SMOC1: variants seen among roughly 807,000 people sequenced by gnomAD.
SMOC1 encodes the protein SPARC-related modular calcium-binding protein 1.
Under a neutral mutation model 56.3 loss-of-function variants are expected in SMOC1, and 22 were observed. The observed-to-expected ratio is 0.39, with a 90% confidence interval of 0.28 to 0.56. The LOEUF is 0.56. Ranked by LOEUF, SMOC1 falls within the 20% of genes least tolerant of loss-of-function variation. The pLI is 0.61. For synonymous variants in SMOC1, 193 were observed against 215.0 expected, an observed-to-expected ratio of 0.90 and a Z score of 0.89; for missense variants, 509 against 565.4, an observed-to-expected ratio of 0.90 and a Z score of 1.01.
chr14:69,953,190 A>C (rs1234288576), intron 2 of SMOC1, among the ~76,000 whole-genome samples: 1 of 152,162 alleles, frequency 6.6e-6, no homozygotes, highest in East Asian at 1.9e-4. Context: ...ACTTGGGAGA[A>C]AAGACAGGCA....
intron 1 of SMOC1, among the ~76,000 whole-genome samples, chr14:69,909,456 A>G (rs978778042): frequency 2.6e-5 from 4 of 152,164 alleles, no homozygotes; most frequent in Non-Finnish European, 5.9e-5. Flanking sequence ...GGTACATCCA[A>G]TGCTGACCTC....
intron 3 of SMOC1, among the ~76,000 whole-genome samples, chr14:69,955,667 C>T (rs371815966): frequency 1.3e-5 from 2 of 148,166 alleles, no homozygotes; most frequent in Admixed American, 6.8e-5. Flanking sequence ...TCTATCATGT[C>T]GATACCACTA....
chr14:69,889,431 G>T (rs1378324841), intron 1 of SMOC1, among the ~76,000 whole-genome samples: 1 of 152,206 alleles, frequency 6.6e-6, no homozygotes, highest in African/African-American at 2.4e-5. Flanking sequence ...CATCTTCCCT[G>T]TATCCCAGCC....
intron 1 of SMOC1, among the ~76,000 whole-genome samples, chr14:69,927,942 A>T (rs993904800): frequency 6.6e-6 from 1 of 152,138 alleles, no homozygotes; most frequent in African/African-American, 2.4e-5. Context: ...CCCCTTGAGG[A>T]AGAATAAACA....
chr14:70,009,409 C>T (rs534584964), intron 7 of SMOC1, among the ~76,000 whole-genome samples: 118 of 152,240 alleles, frequency 7.8e-4, no homozygotes, highest in African/African-American at 2.6e-3. Flanking sequence ...CGTGCTTTAC[C>T]TATATGTGTG....
At chr14:69,996,140 T>C (rs1343832533) in intron 7 of SMOC1, among the ~76,000 whole-genome samples, 1 of 152,228 alleles carries the variant, frequency 6.6e-6, no homozygotes, top group Admixed American at 6.5e-5. Flanking sequence ...TTAACAATTG[T>C]TTCCTTGAAT....
chr14:69,946,898 C>T (rs1261633532), intron 1 of SMOC1, among the ~76,000 whole-genome samples: 1 of 152,044 alleles, frequency 6.6e-6, no homozygotes, highest in Non-Finnish European at 1.5e-5. Context: ...TTTGATCCAC[C>T]CCCCATCCCT....
At chr14:69,887,587 C>G (rs1231102268) in intron 1 of SMOC1, among the ~76,000 whole-genome samples, 1 of 152,202 alleles carries the variant, frequency 6.6e-6, no homozygotes, top group Non-Finnish European at 1.5e-5. Flanking sequence ...GTAAGGGACT[C>G]CTTTCTTGCC....
intron 2 of SMOC1, 90 bp from the exon 3 acceptor site, chr14:69,953,330 A>C (rs1361301823): frequency 1.3e-5 from 16 of 1,208,190 alleles, no homozygotes; most frequent in Non-Finnish European, 2.0e-5. Context: ...GGGCTCCCGC[A>C]CAGGTGGAGT....
In SMOC1 at chr14:69,902,265, A is replaced by G. The variant is rs74488947; in HGVS notation, c.99+22488A>G. On this transcript the variant is annotated intron_variant, in intron 1 of 11. Coordinates refer to ENST00000361956, the MANE Select transcript of SMOC1 (RefSeq NM_001034852.3). ...TCCAACACAGAGCAAAAGAAAGCTGAGAGAGGAAAGAGACAGGTTTCTTAT... is the reference window on the plus strand; with the variant it reads ...TCCAACACAGAGCAAAAGAAAGCTGGGAGAGGAAAGAGACAGGTTTCTTAT... 3.6e-3 allele frequency among the ~76,000 whole-genome samples: 544 copies of G among 152,356 alleles called. 4 individuals are homozygous for G. Among genetic ancestry groups the G allele is most frequent in the African/African-American group, 0.011 (475 of 41,586 alleles).
intron 1 of SMOC1, among the ~76,000 whole-genome samples, chr14:69,908,882 G>A (rs1307822259): frequency 2.0e-5 from 3 of 152,116 alleles, no homozygotes; most frequent in Admixed American, 2.0e-4. Flanking sequence ...AGGTTCTGGG[G>A]TGTGGGGGTG....
intron 3 of SMOC1, among the ~76,000 whole-genome samples, chr14:69,973,589 T>A (rs1883853506): frequency 1.3e-5 from 2 of 152,158 alleles, no homozygotes; most frequent in African/African-American, 4.8e-5. Flanking sequence ...GTAAAGGCAT[T>A]GACCAGAAGA....
intron 1 of SMOC1, among the ~76,000 whole-genome samples, chr14:69,933,602 T>C (rs993922451): frequency 6.6e-6 from 1 of 151,708 alleles, no homozygotes; most frequent in African/African-American, 2.4e-5. Flanking sequence ...TGATCTCGGC[T>C]CACTGCAACC....
At chr14:70,001,150 T>C (rs1884953826) in intron 7 of SMOC1, among the ~76,000 whole-genome samples, 1 of 152,156 alleles carries the variant, frequency 6.6e-6, no homozygotes, top group Non-Finnish European at 1.5e-5. Context: ...CACTGGGAAG[T>C]GCACCTGATT....
intron 1 of SMOC1, among the ~76,000 whole-genome samples, chr14:69,902,736 C>T (rs1374327426): frequency 6.6e-6 from 1 of 152,256 alleles, no homozygotes; most frequent in Non-Finnish European, 1.5e-5. Context: ...CCTGCCTCAG[C>T]CTGCCGAGTG....
intron 1 of SMOC1, among the ~76,000 whole-genome samples, chr14:69,948,689 T>G (rs1882883047): frequency 6.6e-6 from 1 of 152,154 alleles, no homozygotes; most frequent in Non-Finnish European, 1.5e-5. Context: ...TTCTGTGTGT[T>G]CTCTTAAACC....
At chr14:69,978,580 A>T (rs568689947) in intron 5 of SMOC1, among the ~76,000 whole-genome samples, 25 of 152,182 alleles carry the variant, frequency 1.6e-4, no homozygotes, top group South Asian at 2.1e-4. Flanking sequence ...CCTCATTAGC[A>T]CAAAGCTTTT....
chr14:69,881,392 G>A (rs1197458995), intron 1 of SMOC1, among the ~76,000 whole-genome samples: 2 of 151,442 alleles, frequency 1.3e-5, no homozygotes, highest in Non-Finnish European at 2.9e-5. Context: ...GGGCTCGTTT[G>A]TTTGCTGCTG....
chr14:70,031,917 G>A lies in SMOC1; in HGVS notation c.*1659G>A, dbSNP rs1364892271. ...CCTAAAAGTACCTCCACCCGTTCCGGGTCTGGAAGGCGTTGGCACCACAAG... is the reference window on the plus strand; with the variant it reads ...CCTAAAAGTACCTCCACCCGTTCCGAGTCTGGAAGGCGTTGGCACCACAAG... On this transcript the variant is annotated 3_prime_UTR_variant, in exon 12 of 12. Transcript: ENST00000361956. The A allele has an allele frequency of 6.6e-6, 1 of 152,396 alleles. No individual in the cohort carries two copies. The allele number at this position is 152,396 out of a possible 1,614,324, so 9.4% of individuals were successfully genotyped here. A position where few individuals can be genotyped will look rare whatever the true frequency, so the allele number is the denominator to read the frequency against.
Sources: gnomAD v4.1 joint callset for allele counts (sites outside exome capture counted in the v4.1 genomes callset) on GRCh38, gnomAD v4.1.1 for gene constraint, MANE v1.5 for transcripts, NCBI Gene and HGNC (gene_info 2026-07-23, HGNC 2026-07-21) for gene names.